MYO7A: variants seen among roughly 807,000 people sequenced by gnomAD.
MYO7A encodes unconventional myosin-VIIa.
A neutral mutation model predicts 263.8 loss-of-function variants in MYO7A; 210 were observed. The observed-to-expected ratio is 0.80, with a 90% CI of 0.71 to 0.89. The LOEUF (loss-of-function observed/expected upper bound fraction) is 0.89, where lower values mean the gene tolerates loss of function less well. MYO7A is among the 40% of genes least tolerant of loss of function. The pLI, the probability that MYO7A is intolerant of heterozygous loss-of-function variation, is 0.00. For synonymous variants in MYO7A, 1,239 were observed against 1,197.3 expected (o/e 1.03, Z -0.72); for missense variants, 2,820 against 2,968.3 (o/e 0.95, Z 1.16).
In MYO7A at chr11:77,205,241, G is replaced by A. The variant is rs142223161; in HGVS notation, c.5481-221G>A. On this transcript the variant is annotated intron_variant, in intron 39 of 48. Coordinates refer to ENST00000409709, the MANE Select transcript of MYO7A (RefSeq NM_000260.4). ...CTGGTAGCAGTGTGTGGCCTGGCGCGGTGGGCCAGGCACACTTTGGGTAGC... is the reference window on the plus strand; with the variant it reads ...CTGGTAGCAGTGTGTGGCCTGGCGCAGTGGGCCAGGCACACTTTGGGTAGC... Among the ~76,000 whole-genome samples, 110 of 152,282 alleles carry A rather than the reference G, an allele frequency of 7.2e-4. 1 individual carries two copies. The highest frequency in any genetic ancestry group is 3.4e-3 in the Middle Eastern group (1 of 294).
intron 17 of MYO7A, 131 bp from the exon 18 acceptor site, chr11:77,175,241 C>T: frequency 1.2e-6 from 1 of 816,708 alleles, no homozygotes. Flanking sequence ...AAGGCAGGAC[C>T]CAGCTGAGGT....
chr11:77,190,940 G>A, intron 30 of MYO7A, 70 bp downstream of exon 30: 1 of 1,448,430 alleles, frequency 6.9e-7, no homozygotes, highest in Admixed American at 2.3e-5. Flanking sequence ...TGCCAGTGCT[G>A]CCACCTACTT....
chr11:77,193,128 GCGA>G (rs1226784578), intron 31 of MYO7A, among the ~76,000 whole-genome samples: 1,792 of 146,132 alleles, frequency 0.012, 92 homozygotes, highest in African/African-American at 0.041. Context: ...GGTGGAGGTA[GCGA>G]TGCTGTTGGT....
rs771609333 is a variant in MYO7A, at chr11:77,192,146, C to T, written c.4020C>T (p.Ala1340=). 1.9e-6 allele frequency: 3 copies of T among 1,613,994 alleles called. No homozygotes were observed. In the South Asian group the frequency reaches 3.3e-5, roughly 18 times the overall value. The change falls in exon 31 of 49, where the codon GCC becomes GCT. Residue 1340 remains alanine, a synonymous_variant. Transcript: ENST00000409709. ...AGCAGGGCGCCCAGGAGCGCAACGCCCCCTGGAGGCTCTTCTTCCGCAAAG... is the reference window on the plus strand; with the variant it reads ...AGCAGGGCGCCCAGGAGCGCAACGCTCCCTGGAGGCTCTTCTTCCGCAAAG... ...AKEQGAQERN[A]PWRLFFRKEV...
In MYO7A at chr11:77,182,271, C is replaced by T. The variant is rs111670100; in HGVS notation, c.3108+117C>T. 2.5e-5 allele frequency: 37 copies of T among 1,460,510 alleles called. No individual in the cohort carries two copies. In the African/African-American group the frequency reaches 3.5e-4, roughly 14 times the overall value. The allele number at this position is 1,460,510 out of a possible 1,614,324, so 90.5% of individuals were successfully genotyped here. ...TGGTGGGTCCCTGGGGGCCAGGGAC[C>T]AGGTCTGACTATAGTCTTCACTGCG... On this transcript the variant is annotated intron_variant, in intron 24 of 48. Transcript: ENST00000409709.
rs782313585 is a variant in MYO7A, at chr11:77,162,321, G to A, written c.1545G>A (p.Lys515=). 1 of 1,551,590 alleles carries A rather than the reference G, an allele frequency of 6.4e-7. No homozygotes were observed. The highest frequency in any genetic ancestry group is 1.2e-5 in the South Asian group (1 of 84,038). ...TCTCCCTCATCGATGAGGAGAGCAA[G>A]TTCCCCAAGGTGGGCCGGTCCTGCT... ...NIISLIDEES[K]FPKGTDTTML... The change falls in exon 13 of 49, where the codon AAG becomes AAA. Residue 515 remains lysine, a synonymous_variant. Transcript: ENST00000409709.
chr11:77,171,108 G>A (rs1204710097), intron 15 of MYO7A, among the ~76,000 whole-genome samples: 1 of 152,244 alleles, frequency 6.6e-6, no homozygotes, highest in Non-Finnish European at 1.5e-5. Context: ...AGCCCAGCAG[G>A]GAGGACGGGC....
In MYO7A at chr11:77,162,133, T is replaced by C. The variant is rs1555069264; in HGVS notation, c.1357T>C (p.Cys453Arg). 5 of 1,600,904 alleles carry C rather than the reference T, an allele frequency of 3.1e-6. No homozygotes were observed. The highest frequency in any genetic ancestry group is 4.3e-6 in the Non-Finnish European group (5 of 1,173,820). ...GTGCCCCTGCAGCTTTGAGCAGCTC[T>C]GCATCAACTTCGCCAATGAGCACCT... ...NFAVNSFEQL[C>R]INFANEHLQQ... The change falls in exon 13 of 49, where the codon TGC becomes CGC. Residue 453 changes from cysteine (C) to arginine (R), a missense_variant. Cys to Arg is a radical substitution (Grantham distance 180). Transcript: ENST00000409709.
At chr11:77,184,818 T>TA in intron 27 of MYO7A, 103 bp downstream of exon 27, 1 of 1,536,734 alleles carries the variant, frequency 6.5e-7, no homozygotes, top group Non-Finnish European at 8.8e-7. Flanking sequence ...GGCCTGGGTT[T>TA]GGCTTCGCTG....
chr11:77,180,409 G>A lies in MYO7A; in HGVS notation c.2622G>A (p.Leu874=). The A allele has an allele frequency of 1.2e-6, 2 of 1,612,342 alleles. No homozygotes were observed. Among genetic ancestry groups the A allele is most frequent in the Non-Finnish European group, 1.7e-6 (2 of 1,179,718 alleles). Residue 874 remains leucine (L), a synonymous_variant, in exon 22 of 49, where the codon CTG becomes CTA. Transcript: ENST00000409709. ...GCCTCGAGGCTGAGAAAATGCGGCTGGCGGAGGAAGAGAAGCTTCGGAAGG... is the reference window on the plus strand; with the variant it reads ...GCCTCGAGGCTGAGAAAATGCGGCTAGCGGAGGAAGAGAAGCTTCGGAAGG... The part of the protein sequence containing the change: ...LWRLEAEKMR[L]AEEEKLRKEM...
chr11:77,207,313 A>G lies in MYO7A; in HGVS notation c.5767A>G (p.Lys1923Glu). Residue 1923 changes from lysine (K) to glutamate (E), a missense_variant, in exon 42 of 49, where the codon AAG (lysine) becomes GAG (glutamate). By Grantham distance (56) the Lys-to-Glu change is moderately conservative. Transcript: ENST00000409709. ...GGCCTTCGAAGTGGAGTCCAGCACCAAGGCCAAGGACTTCTGCCAGAACAT... is the reference window on the plus strand; with the variant it reads ...GGCCTTCGAAGTGGAGTCCAGCACCGAGGCCAAGGACTTCTGCCAGAACAT... The part of the protein sequence containing the change: ...DEAFEVESST[K>E]AKDFCQNIAT... The G allele has an allele frequency of 6.2e-7, 1 of 1,612,130 alleles. No individual in the cohort carries two copies. The highest frequency in any genetic ancestry group is 1.3e-5 in the African/African-American group (1 of 74,984).
chr11:77,156,639 T>C (rs782747306), intron 5 of MYO7A, 21 bp from the exon 6 acceptor site: 4 of 1,612,158 alleles, frequency 2.5e-6, no homozygotes, highest in Non-Finnish European at 3.4e-6. Context: ...TGACAGGTCC[T>C]GCCACTCCCT....
chr11:77,212,834 C>T, intron 46 of MYO7A, 118 bp from the exon 47 acceptor site: 3 of 837,074 alleles, frequency 3.6e-6, no homozygotes, highest in Non-Finnish European at 6.0e-6. Flanking sequence ...GCCGTCAGTA[C>T]CACATAGGCA....
intron 25 of MYO7A, 43 bp from the exon 26 acceptor site, chr11:77,183,025 T>C (rs782758147): frequency 1.3e-6 from 2 of 1,518,806 alleles, no homozygotes; most frequent in Non-Finnish European, 8.9e-7. Flanking sequence ...TCGACATTGC[T>C]TTCTGCTCAG....
chr11:77,176,796 G>C (rs1005592244), intron 18 of MYO7A, among the ~76,000 whole-genome samples: 1 of 152,318 alleles, frequency 6.6e-6, no homozygotes, highest in East Asian at 1.9e-4. Context: ...CCTCCCCAAG[G>C]GCAGGGGCCA....
At chr11:77,136,088 A>G (rs781841076) in intron 2 of MYO7A, among the ~76,000 whole-genome samples, 2 of 152,174 alleles carry the variant, frequency 1.3e-5, no homozygotes, top group Non-Finnish European at 2.9e-5. Flanking sequence ...ACTAGTGACA[A>G]ACTCTCTCAG....
At chr11:77,207,607 A>G (rs1290274215) in intron 42 of MYO7A, among the ~76,000 whole-genome samples, 3 of 152,160 alleles carry the variant, frequency 2.0e-5, no homozygotes, top group Non-Finnish European at 4.4e-5. Context: ...ACATGGCTCA[A>G]ACCCTCTTAG....
At chr11:77,181,838 G>A (rs1591380730) in intron 23 of MYO7A, 113 bp from the exon 24 acceptor site, 2 of 805,410 alleles carry the variant, frequency 2.5e-6, no homozygotes, top group East Asian at 2.8e-5. Context: ...AGGCTGGAGT[G>A]CAGTAGCGTG....
At chr11:77,180,322 GCAA>G in intron 21 of MYO7A, 49 bp from the exon 22 acceptor site, 1 of 1,513,540 alleles carries the variant, frequency 6.6e-7, no homozygotes, top group Non-Finnish European at 9.1e-7. Flanking sequence ...GGGAATCCCT[GCAA>G]CAACAGCTAC....
Sources: allele counts gnomAD v4.1 joint callset (sites outside exome capture counted in the v4.1 genomes callset), GRCh38; gene constraint gnomAD v4.1.1; transcripts MANE v1.5; gene names NCBI Gene and HGNC (gene_info 2026-07-23, HGNC 2026-07-21).